CUX1: variants seen among roughly 807,000 people sequenced by gnomAD.
CUX1 encodes the protein cut like homeobox 1, also known as protein CASP.
In CUX1, 31 loss-of-function variants were observed where a neutral mutation model predicts 158.8. The observed-to-expected ratio is 0.20, with a 90% CI of 0.15 to 0.26. The LOEUF (loss-of-function observed/expected upper bound fraction) is 0.26, where lower values mean the gene tolerates loss of function less well. Among genes scored for constraint, CUX1 ranks in the 10% least tolerant of loss-of-function variants. The pLI is 1.00. For synonymous variants in CUX1, 879 were observed against 862.1 expected, an observed-to-expected ratio of 1.02 and a Z score of -0.34; for missense variants, 1,589 against 2,014.6, an observed-to-expected ratio of 0.79 and a Z score of 4.04.
At chr7:101,903,627 C>A (rs1289553341) in intron 1 of CUX1, among the ~76,000 whole-genome samples, 1 of 152,106 alleles carries the variant, frequency 6.6e-6, no homozygotes, top group Non-Finnish European at 1.5e-5. Flanking sequence ...GAGAATTATC[C>A]TCCCCTCTCC....
intron 13 of CUX1, 71 bp from the exon 14 acceptor site, chr7:102,195,436 C>T: frequency 7.7e-7 from 1 of 1,294,314 alleles, no homozygotes; most frequent in Non-Finnish European, 1.1e-6. Flanking sequence ...AGGCAGGGCT[C>T]CAGGCCTGGT....
rs559926243 is a variant in CUX1 at position 102,210,302 on chromosome 7, G to A, written c.3130+5132G>A. ...AATAGAGATGGGGTTTCACCATGTT[G>A]GCCAGGCTAGTCTCCAACTCCTGAC... is the stretch of plus-strand genomic sequence containing the variant. On this transcript the variant is annotated intron_variant, in intron 20 of 23. Transcript: ENST00000292535. Among the ~76,000 whole-genome samples the A allele has an allele frequency of 7.8e-4, 118 of 152,194 alleles. 1 individual carries two copies. The highest frequency in any genetic ancestry group is 1.5e-3 in the Non-Finnish European group (101 of 68,014).
intron 21 of CUX1, among the ~76,000 whole-genome samples, chr7:102,228,606 C>G (rs868976705): frequency 6.6e-6 from 1 of 152,138 alleles, no homozygotes; most frequent in Non-Finnish European, 1.5e-5. Flanking sequence ...CGAGACCAAC[C>G]TGGGCAGCAT....
chr7:101,956,629 A>G (rs1489746759), intron 2 of CUX1, among the ~76,000 whole-genome samples: 1 of 152,226 alleles, frequency 6.6e-6, no homozygotes, highest in Admixed American at 6.5e-5. Context: ...TTGAAAATCT[A>G]TCCCAAGGAA....
chr7:102,228,434 G>C (rs1188710321), intron 21 of CUX1, among the ~76,000 whole-genome samples: 1 of 152,062 alleles, frequency 6.6e-6, no homozygotes, highest in African/African-American at 2.4e-5. Flanking sequence ...TAAGGTGGGA[G>C]GATCACTTGA....
At chr7:102,168,727 G>A (rs1393491474) in intron 9 of CUX1, among the ~76,000 whole-genome samples, 1 of 150,190 alleles carries the variant, frequency 6.7e-6, no homozygotes, top group Non-Finnish European at 1.5e-5. Flanking sequence ...ATTGCTTAAA[G>A]CTGCCAAAGC....
chr7:101,850,738 G>A (rs1196821317), intron 1 of CUX1, among the ~76,000 whole-genome samples: 2 of 152,132 alleles, frequency 1.3e-5, no homozygotes, highest in Non-Finnish European at 2.9e-5. Context: ...TTCAGTGTTA[G>A]GTGTTGACTT....
At chr7:101,906,586 G>A (rs368856770) in intron 1 of CUX1, among the ~76,000 whole-genome samples, 13 of 152,042 alleles carry the variant, frequency 8.6e-5, no homozygotes, top group African/African-American at 2.4e-4. Context: ...AGCTCACGGC[G>A]GGCTTTGGCA....
chr7:101,827,983 T>G (rs1210543322), intron 1 of CUX1, among the ~76,000 whole-genome samples: 1 of 149,422 alleles, frequency 6.7e-6, no homozygotes, highest in Non-Finnish European at 1.5e-5. Flanking sequence ...GTTTTTTTTT[T>G]TTTTTTTTTT....
intron 2 of CUX1, among the ~76,000 whole-genome samples, chr7:102,021,000 C>T (rs1457588061): frequency 6.6e-6 from 1 of 152,102 alleles, no homozygotes; most frequent in Non-Finnish European, 1.5e-5. Context: ...ACAGGCCAAG[C>T]CACAGGGCCA....
rs1394156705 is a variant in CUX1, at chr7:102,227,303, C to T, written c.3131-64C>T. ...TAATTAGTATTTCCTAGATAAGGAA[C>T]GTAGATGGTCGTGGTAAAAGACAGC... On this transcript the variant is annotated intron_variant, in intron 20 of 23. Transcript: ENST00000292535. 9 of 1,394,548 alleles carry T rather than the reference C, an allele frequency of 6.5e-6. No individual in the cohort carries two copies. In the Admixed American group the frequency reaches 9.5e-5, roughly 15 times the overall value. The allele number at this position is 1,394,548 out of a possible 1,614,324, so 86.4% of individuals were successfully genotyped here. A position where few individuals can be genotyped will look rare whatever the true frequency, so the allele number is the denominator to read the frequency against.
chr7:102,120,494 TC>T (rs1554493100), intron 8 of CUX1, among the ~76,000 whole-genome samples: 1 of 152,210 alleles, frequency 6.6e-6, no homozygotes, highest in Non-Finnish European at 1.5e-5. Context: ...CATGTTGTAT[TC>T]CTAGCCTATA....
intron 14 of CUX1, among the ~76,000 whole-genome samples, chr7:102,196,329 C>G (rs1233972757): frequency 6.6e-6 from 1 of 152,202 alleles, no homozygotes; most frequent in Non-Finnish European, 1.5e-5. Flanking sequence ...CAACTCTTCC[C>G]TGTGTGTGTC....
intron 14 of CUX1, among the ~76,000 whole-genome samples, chr7:102,270,933 C>T (rs923551850): frequency 2.6e-5 from 4 of 152,188 alleles, no homozygotes; most frequent in East Asian, 3.8e-4. Flanking sequence ...GGGACCAGGC[C>T]CACGCACCCC....
intron 1 of CUX1, among the ~76,000 whole-genome samples, chr7:101,838,496 A>G (rs1794873662): frequency 6.6e-6 from 1 of 151,548 alleles, no homozygotes; most frequent in South Asian, 2.1e-4. Flanking sequence ...TTGTTATGAC[A>G]GCCGTATTGA....
intron 1 of CUX1, among the ~76,000 whole-genome samples, chr7:101,883,166 G>A (rs763279579): frequency 5.3e-5 from 8 of 152,008 alleles, no homozygotes; most frequent in African/African-American, 9.7e-5. Context: ...AGCAATTTTC[G>A]TCATATGGAG....
intron 8 of CUX1, among the ~76,000 whole-genome samples, chr7:102,147,720 G>A (rs111646540): frequency 3.9e-5 from 6 of 152,216 alleles, no homozygotes; most frequent in Admixed American, 2.0e-4. Context: ...TATTTGGGCC[G>A]GTGCGGTGGC....
chr7:101,956,627 C>A (rs754210524), intron 2 of CUX1, among the ~76,000 whole-genome samples: 5 of 152,202 alleles, frequency 3.3e-5, no homozygotes, highest in African/African-American at 4.8e-5. Context: ...TTTTGAAAAT[C>A]TATCCCAAGG....
intron 5 of CUX1, among the ~76,000 whole-genome samples, chr7:102,102,673 G>A (rs1829906406): frequency 6.6e-6 from 1 of 152,142 alleles, no homozygotes; most frequent in Admixed American, 6.6e-5. Context: ...ATGCCACAGT[G>A]CTTTCCTGAG....
Sources: allele counts gnomAD v4.1 joint callset (sites outside exome capture counted in the v4.1 genomes callset), GRCh38; gene constraint gnomAD v4.1.1; transcripts MANE v1.5; gene names NCBI Gene and HGNC (gene_info 2026-07-23, HGNC 2026-07-21).